Variants in WDR47 observed in about 807,000 individuals in gnomAD.
The protein encoded by WDR47 is WD repeat domain 47, also known as WD repeat-containing protein 47.
Under a neutral mutation model 97.2 loss-of-function variants are expected in WDR47, and 32 were observed. The observed-to-expected ratio is 0.33, with a 90% confidence interval of 0.25 to 0.44. The LOEUF (loss-of-function observed/expected upper bound fraction) is 0.44, where lower values mean the gene tolerates loss of function less well. Among genes scored for constraint, WDR47 ranks in the 20% least tolerant of loss-of-function variants. The pLI is 1.00. For synonymous variants in WDR47, 375 were observed against 373.5 expected (o/e 1.00, Z -0.05); for missense variants, 782 against 1,102.3 (o/e 0.71, Z 4.11).
chr1:109,025,236 G>A (rs924244359), intron 1 of WDR47, among the ~76,000 whole-genome samples: 7 of 151,848 alleles, frequency 4.6e-5, no homozygotes, highest in Non-Finnish European at 1.0e-4. Context: ...CCAGGAGTGC[G>A]AGACAAGCCT....
In WDR47 at chr1:108,971,405, T is replaced by C. The variant is rs929946017; in HGVS notation, c.*25A>G. The C allele has an allele frequency of 5.0e-6, 8 of 1,613,206 alleles. No individual in the cohort carries two copies. Among genetic ancestry groups the C allele is most frequent in the Non-Finnish European group, 5.9e-6 (7 of 1,179,592 alleles). Reference sequence around the variant, plus strand: ...TAGTCTTAAGTCTCTGTGCTTTTGCTGCATAGACTGACATGCGGTGTGCTC... The same window carrying C: ...TAGTCTTAAGTCTCTGTGCTTTTGCCGCATAGACTGACATGCGGTGTGCTC... On this transcript the variant is annotated 3_prime_UTR_variant, in exon 15 of 15. Coordinates refer to ENST00000369962, the MANE Select transcript of WDR47 (RefSeq NM_001142551.2).
intron 1 of WDR47, chr1:109,030,219 T>C (rs1662524306): frequency 2.6e-6 from 4 of 1,554,544 alleles, no homozygotes; most frequent in Non-Finnish European, 3.5e-6. Context: ...CATGCACAAA[T>C]GGTAGTTTTG....
chr1:108,986,713 A>G, intron 9 of WDR47, 33 bp from the exon 10 acceptor site: 1 of 1,473,100 alleles, frequency 6.8e-7, no homozygotes, highest in South Asian at 1.3e-5. Context: ...TTATCCTATT[A>G]AAAAAATGAA....
At chr1:108,972,168 C>T (rs1657499799) in intron 14 of WDR47, among the ~76,000 whole-genome samples, 1 of 152,062 alleles carries the variant, frequency 6.6e-6, no homozygotes, top group Non-Finnish European at 1.5e-5. Context: ...ATCTCAATGG[C>T]ACCATCTGGT....
intron 2 of WDR47, among the ~76,000 whole-genome samples, chr1:109,018,848 T>C (rs540395599): frequency 6.6e-6 from 1 of 150,980 alleles, no homozygotes; most frequent in Non-Finnish European, 1.5e-5. Context: ...GAACAGGTGA[T>C]CATTTGAGCC....
intron 13 of WDR47, among the ~76,000 whole-genome samples, chr1:108,976,479 G>A (rs990310252): frequency 2.0e-5 from 3 of 151,836 alleles, no homozygotes; most frequent in South Asian, 2.1e-4. Flanking sequence ...ATCTTCATTC[G>A]TTTACTCAAA....
rs1428498770 is a variant in WDR47 at position 108,991,376 on chromosome 1, A to T, written c.1692-47T>A. 5.9e-6 allele frequency: 9 copies of T among 1,531,880 alleles called. No homozygotes were observed. The Middle Eastern group carries it at 6.9e-4, about 117-fold the overall frequency. 94.9% of individuals were successfully genotyped at this position (1,531,880 alleles called of 1,614,324 possible). A position where few individuals can be genotyped will look rare whatever the true frequency, so the allele number is the denominator to read the frequency against. On this transcript the variant is annotated intron_variant, in intron 8 of 14. Coordinates refer to ENST00000369962, the MANE Select transcript of WDR47 (RefSeq NM_001142551.2). ...TAAAGTTTACTCCATGTATCAAAAT[A>T]GAAACTAAATTAATTTACCCTTTCA...
At chr1:108,994,961 TAATCTC>T (rs1263641380) in intron 8 of WDR47, among the ~76,000 whole-genome samples, 7 of 152,230 alleles carry the variant, frequency 4.6e-5, no homozygotes, top group African/African-American at 1.7e-4. Context: ...TTTTTGTACT[TAATCTC>T]AGCCAAAAAG....
intron 8 of WDR47, 138 bp downstream of exon 8, chr1:108,995,442 T>C: frequency 2.1e-6 from 2 of 934,854 alleles, no homozygotes; most frequent in Non-Finnish European, 3.2e-6. Flanking sequence ...TATAGACAAA[T>C]GAAGGCAGAT....
intron 1 of WDR47, among the ~76,000 whole-genome samples, chr1:109,036,603 G>A (rs1302645962): frequency 6.7e-6 from 1 of 150,218 alleles, no homozygotes; most frequent in African/African-American, 2.5e-5. Flanking sequence ...TTGGAAGGCC[G>A]AGGCAAGCGG....
At chr1:108,972,693 G>A (rs1657558562) in intron 14 of WDR47, among the ~76,000 whole-genome samples, 1 of 152,178 alleles carries the variant, frequency 6.6e-6, no homozygotes, top group African/African-American at 2.4e-5. Context: ...TGTAATCCCA[G>A]CACTTTGGGA....
intron 5 of WDR47, among the ~76,000 whole-genome samples, chr1:109,010,023 ACATACT>A (rs1361457941): frequency 6.6e-6 from 1 of 151,876 alleles, no homozygotes; most frequent in African/African-American, 2.4e-5. Flanking sequence ...AAACAAAAAA[ACATACT>A]CATAGAAAAA....
At chr1:108,977,705 A>G (rs1658017358) in intron 13 of WDR47, among the ~76,000 whole-genome samples, 1 of 152,156 alleles carries the variant, frequency 6.6e-6, no homozygotes, top group Non-Finnish European at 1.5e-5. Context: ...TACAAAAATG[A>G]GCTGGGCGTG....
chr1:108,972,888 G>GTA, intron 14 of WDR47, among the ~76,000 whole-genome samples: 1 of 151,284 alleles, frequency 6.6e-6, no homozygotes, highest in East Asian at 2.0e-4. Context: ...GGAGCTTGCA[G>GTA]TGAGCCGACA....
chr1:109,004,777 T>G (rs1349011682), intron 5 of WDR47, 62 bp from the exon 6 acceptor site: 1 of 1,506,824 alleles, frequency 6.6e-7, no homozygotes, highest in Non-Finnish European at 8.8e-7. Context: ...AAAATATATT[T>G]TAGTTAGAGA....
chr1:108,977,288 AT>A (rs1657985356), intron 13 of WDR47, among the ~76,000 whole-genome samples: 1 of 151,930 alleles, frequency 6.6e-6, no homozygotes, highest in South Asian at 2.1e-4. Flanking sequence ...AGTAGCTGGG[AT>A]TACAGGCGCC....
intron 2 of WDR47, among the ~76,000 whole-genome samples, chr1:109,018,027 G>GC (rs1661546558): frequency 6.6e-6 from 1 of 151,870 alleles, no homozygotes; most frequent in South Asian, 2.1e-4. Flanking sequence ...GGGATTACAA[G>GC]CGTGAGTCAC....
At chr1:108,996,414 T>A (rs1317289957) in intron 7 of WDR47, among the ~76,000 whole-genome samples, 1 of 152,212 alleles carries the variant, frequency 6.6e-6, no homozygotes, top group Non-Finnish European at 1.5e-5. Context: ...ATTCTTTTTC[T>A]TCCCCAATAT....
At chr1:109,035,748 G>A (rs1337851366) in intron 1 of WDR47, among the ~76,000 whole-genome samples, 5 of 151,698 alleles carry the variant, frequency 3.3e-5, no homozygotes, top group African/African-American at 7.3e-5. Flanking sequence ...CACCCACCTC[G>A]GTCTCCCAAA....
Sources: gnomAD v4.1 joint callset for allele counts (sites outside exome capture counted in the v4.1 genomes callset) on GRCh38, gnomAD v4.1.1 for gene constraint, MANE v1.5 for transcripts, NCBI Gene and HGNC (gene_info 2026-07-23, HGNC 2026-07-21) for gene names.